Variants in DOK6 observed in about 807,000 individuals in gnomAD.
DOK6 encodes downstream of tyrosine kinase 6.
A neutral mutation model predicts 44.0 loss-of-function variants in DOK6; 22 were observed. The ratio of observed to expected loss-of-function variants is 0.50; its 90% CI spans 0.36 to 0.71. The LOEUF is 0.71. Among genes scored for constraint, DOK6 ranks in the 30% least tolerant of loss-of-function variants. The pLI, the probability that DOK6 is intolerant of heterozygous loss-of-function variation, is 0.00. For synonymous variants in DOK6, 166 were observed against 145.5 expected, an observed-to-expected ratio of 1.14 and a Z score of -1.01; for missense variants, 340 against 416.4, an observed-to-expected ratio of 0.82 and a Z score of 1.60.
Position 69,411,782 on chromosome 18 carries a change from T to C in DOK6, c.66+10472T>C, listed in dbSNP as rs554719567. On this transcript the variant is annotated intron_variant, in intron 1 of 7. Transcript: ENST00000382713. ...CCACTACCTCCTCAAGTATCAGTTC[T>C]GTCCATTCTTTCTCTTTGTCCTTAC... is the stretch of plus-strand genomic sequence containing the variant. Among the ~76,000 whole-genome samples, 12 of 152,282 alleles carry C rather than the reference T, an allele frequency of 7.9e-5. No homozygotes were observed. In the South Asian group the frequency reaches 2.5e-3, roughly 32 times the overall value.
intron 1 of DOK6, among the ~76,000 whole-genome samples, chr18:69,420,366 TG>T (rs1333611811): frequency 3.3e-5 from 5 of 152,150 alleles, no homozygotes; most frequent in Non-Finnish European, 7.3e-5. Context: ...GCAAGTGAAA[TG>T]TTCTATTAGG....
chr18:69,837,860 C>G (rs561964617), intron 7 of DOK6, among the ~76,000 whole-genome samples: 20 of 152,288 alleles, frequency 1.3e-4, no homozygotes, highest in Non-Finnish European at 2.8e-4. Flanking sequence ...TTATAACATG[C>G]TCTTCTAAGC....
chr18:69,416,396 T>A (rs1033627322), intron 1 of DOK6, among the ~76,000 whole-genome samples: 4 of 152,136 alleles, frequency 2.6e-5, no homozygotes, highest in Non-Finnish European at 4.4e-5. Flanking sequence ...TATAAATATA[T>A]GAATACACAA....
In DOK6 at chr18:69,484,407, A is replaced by T. The variant is rs1041813031; in HGVS notation, c.67-80080A>T. 7.2e-5 allele frequency among the ~76,000 whole-genome samples: 11 copies of T among 152,170 alleles called. No homozygotes were observed. In the East Asian group the frequency reaches 1.3e-3, roughly 19 times the overall value. On this transcript the variant is annotated intron_variant, in intron 1 of 7. Transcript: ENST00000382713. Reference sequence around the variant, plus strand: ...GATGGGAACAAAGCCTAAATTTAGAAGCTATCTTTCTTTTATATCACTGTC... The same window carrying T: ...GATGGGAACAAAGCCTAAATTTAGATGCTATCTTTCTTTTATATCACTGTC...
chr18:69,824,223 G>A (rs1188329934), intron 7 of DOK6, among the ~76,000 whole-genome samples: 1 of 125,400 alleles, frequency 8.0e-6, no homozygotes, highest in East Asian at 2.6e-4. Context: ...AGGCCCCGGT[G>A]TGTGATGTTC....
chr18:69,561,799 A>G (rs1982839772), intron 1 of DOK6, among the ~76,000 whole-genome samples: 1 of 152,216 alleles, frequency 6.6e-6, no homozygotes, highest in African/African-American at 2.4e-5. Flanking sequence ...TTCTACTTTT[A>G]TAATGAGAGG....
intron 7 of DOK6, among the ~76,000 whole-genome samples, chr18:69,793,852 C>T (rs1980668129): frequency 6.6e-6 from 1 of 151,782 alleles, no homozygotes; most frequent in African/African-American, 2.4e-5. Context: ...AAAAAATAAC[C>T]CTACACCAAG....
At chr18:69,734,009 T>G (rs1978510914) in intron 5 of DOK6, among the ~76,000 whole-genome samples, 1 of 152,180 alleles carries the variant, frequency 6.6e-6, no homozygotes, top group Non-Finnish European at 1.5e-5. Flanking sequence ...TTCTGTGACT[T>G]TATTTGAATC....
intron 2 of DOK6, among the ~76,000 whole-genome samples, chr18:69,596,843 C>T (rs1403692285): frequency 6.6e-6 from 1 of 152,024 alleles, no homozygotes. Context: ...ATATAATGTA[C>T]TTTTAGGCCT....
intron 1 of DOK6, among the ~76,000 whole-genome samples, chr18:69,499,932 A>ATTT (rs1404306476): frequency 6.6e-6 from 1 of 152,074 alleles, no homozygotes; most frequent in African/African-American, 2.4e-5. Flanking sequence ...GAATGCTAAC[A>ATTT]TTTTTCATGA....
At chr18:69,688,367 C>T (rs940075032) in intron 4 of DOK6, among the ~76,000 whole-genome samples, 3 of 152,100 alleles carry the variant, frequency 2.0e-5, no homozygotes, top group Non-Finnish European at 2.9e-5. Flanking sequence ...AAGACCAACA[C>T]GAGCCAAATA....
chr18:69,624,581 A>G (rs988523140), intron 3 of DOK6, among the ~76,000 whole-genome samples: 1 of 152,150 alleles, frequency 6.6e-6, no homozygotes, highest in Admixed American at 6.5e-5. Context: ...TCTAAATGAC[A>G]TACAATTAGC....
chr18:69,611,935 A>G (rs1176650461), intron 3 of DOK6, among the ~76,000 whole-genome samples: 15 of 107,112 alleles, frequency 1.4e-4, no homozygotes, highest in African/African-American at 4.8e-4. Flanking sequence ...ACAAGTGATT[A>G]ATTATATAAA....
chr18:69,774,133 G>GATATATATATATATATGAGATATATATAT lies in DOK6; in HGVS notation c.856+16276_856+16277insGAGATATATATATATATATATATATATAT, dbSNP rs1979980513. ...TAGATTTATATAGATATATATATGA[G>GATATATATATATATATGAGATATATATAT]ATATATATATATATATATATATAAT... On this transcript the variant is annotated intron_variant, in intron 7 of 7. Transcript: ENST00000382713. 1.7e-3 allele frequency among the ~76,000 whole-genome samples: 112 copies of GATATATATATATATATGAGATATATATAT among 66,892 alleles called. 4 individuals are homozygous for GATATATATATATATATGAGATATATATAT. The highest frequency in any genetic ancestry group is 5.0e-3 in the South Asian group (7 of 1,388). The allele number at this position is 66,892 out of a possible 152,430, so 43.9% of individuals were successfully genotyped here.
At chr18:69,473,911 T>C (rs1006229613) in intron 1 of DOK6, among the ~76,000 whole-genome samples, 2 of 152,136 alleles carry the variant, frequency 1.3e-5, no homozygotes. Flanking sequence ...TCTGGGTTTT[T>C]CTATCACAGC....
rs113349151 is a variant in DOK6, at chr18:69,420,761, C to A, written c.66+19451C>A. Among the ~76,000 whole-genome samples, 163 of 152,284 alleles carry A rather than the reference C, an allele frequency of 1.1e-3. 1 individual carries two copies. The highest frequency in any genetic ancestry group is 3.7e-3 in the African/African-American group (153 of 41,566). The stretch of plus-strand genomic sequence containing the variant: ...TCAACCACTGCACACAATTTCATGA[C>A]AGTGTATTCCACCCTTACCCCAGAG... On this transcript the variant is annotated intron_variant, in intron 1 of 7. Coordinates refer to ENST00000382713, the MANE Select transcript of DOK6 (RefSeq NM_152721.6).
At chr18:69,667,872 C>A (rs1985699457) in intron 3 of DOK6, among the ~76,000 whole-genome samples, 1 of 152,048 alleles carries the variant, frequency 6.6e-6, no homozygotes, top group African/African-American at 2.4e-5. Context: ...CTGTTGACTC[C>A]CACATTTATA....
At chr18:69,678,925 C>G (rs1480269058) in intron 4 of DOK6, among the ~76,000 whole-genome samples, 1 of 152,140 alleles carries the variant, frequency 6.6e-6, no homozygotes, top group African/African-American at 2.4e-5. Flanking sequence ...CACCTGTAAT[C>G]CCAGCACTTT....
At chr18:69,432,140 A>G (rs1439361857) in intron 1 of DOK6, among the ~76,000 whole-genome samples, 5 of 152,238 alleles carry the variant, frequency 3.3e-5, no homozygotes, top group Admixed American at 3.3e-4. Context: ...AGATTATTAA[A>G]CTAAAGAAGT....
Sources: gnomAD v4.1 joint callset for allele counts (sites outside exome capture counted in the v4.1 genomes callset) on GRCh38, gnomAD v4.1.1 for gene constraint, MANE v1.5 for transcripts, NCBI Gene and HGNC (gene_info 2026-07-23, HGNC 2026-07-21) for gene names.